The following MAF variants were observed in gnomAD, a reference collection of about 807,000 sequenced individuals.
MAF encodes MAF bZIP transcription factor, also known as transcription factor Maf.
MAF carries 10 observed loss-of-function variants against 22.0 expected under a neutral mutation model. The ratio of observed to expected loss-of-function variants is 0.45; its 90% CI spans 0.28 to 0.77. The LOEUF (loss-of-function observed/expected upper bound fraction) is 0.77. MAF is among the 30% of genes least tolerant of loss of function. The probability of loss-of-function intolerance (pLI) is 0.12; values close to 1 mark genes in which losing one functional copy is unlikely to be tolerated. For missense variants in MAF, 544 were observed against 548.4 expected, an observed-to-expected ratio of 0.99 and a Z score of 0.08; for synonymous variants, 337 against 255.8, an observed-to-expected ratio of 1.32 and a Z score of -3.03.
At chr16:79,203,049 C>T in the MAF span, 1 of 152,196 alleles carries the variant, frequency 6.6e-6, no homozygotes, top group African/African-American at 2.4e-5. Context: ...AACACCGAGG[C>T]AGAATTATTT....
At chr16:79,334,852 T>C in the MAF span, among the ~76,000 whole-genome samples, 1 of 99,186 alleles carries the variant, frequency 1.0e-5, no homozygotes, top group Non-Finnish European at 2.3e-5. Context: ...TGTGTGTGTG[T>C]GTGTGTGTGT....
At chr16:79,418,528 T>G in the MAF span, among the ~76,000 whole-genome samples, 1 of 151,958 alleles carries the variant, frequency 6.6e-6, no homozygotes, top group Non-Finnish European at 1.5e-5. Context: ...AGCCCCGTGG[T>G]GAGGGGGCAA....
chr16:79,343,269 C>G, the MAF span, among the ~76,000 whole-genome samples: 1 of 151,462 alleles, frequency 6.6e-6, no homozygotes. Flanking sequence ...TGTGTGTGCT[C>G]CAGTTCTTCT....
chr16:79,261,328 G>T, the MAF span, among the ~76,000 whole-genome samples: 69 of 141,768 alleles, frequency 4.9e-4, no homozygotes, highest in Non-Finnish European at 8.3e-4. Context: ...AATTTTTGTA[G>T]TTTTACTAGA....
chr16:79,465,992 C>A, the MAF span, among the ~76,000 whole-genome samples: 1 of 152,160 alleles, frequency 6.6e-6, no homozygotes, highest in Admixed American at 6.5e-5. Flanking sequence ...TCTGTAATTC[C>A]TTCATTGTTG....
chr16:79,252,365 TTC>T, the MAF span, among the ~76,000 whole-genome samples: 1 of 151,758 alleles, frequency 6.6e-6, no homozygotes, highest in East Asian at 1.9e-4. Context: ...TCACAAAATA[TTC>T]TCTTTCCCCT....
chr16:79,368,333 T>G, the MAF span, among the ~76,000 whole-genome samples: 1 of 152,224 alleles, frequency 6.6e-6, no homozygotes, highest in South Asian at 2.1e-4. Flanking sequence ...GGCAGGGCAT[T>G]AGCCACAGAG....
the MAF span, among the ~76,000 whole-genome samples, chr16:79,341,528 C>T: frequency 6.6e-6 from 1 of 152,190 alleles, no homozygotes; most frequent in Non-Finnish European, 1.5e-5. Flanking sequence ...ATTTACATTA[C>T]AGGAATTGGC....
chr16:79,593,112 G>C (rs918260049), downstream of MAF, among the ~76,000 whole-genome samples: 6 of 152,150 alleles, frequency 3.9e-5, no homozygotes, highest in South Asian at 2.1e-4. Flanking sequence ...AACAAAAAGA[G>C]AGAGAGAGAG....
chr16:79,243,397 C>T, the MAF span, among the ~76,000 whole-genome samples: 1 of 151,678 alleles, frequency 6.6e-6, no homozygotes, highest in Non-Finnish European at 1.5e-5. Flanking sequence ...GCCACTGATC[C>T]CACAGAAATA....
At chr16:79,423,142 T>C in the MAF span, among the ~76,000 whole-genome samples, 4 of 152,182 alleles carry the variant, frequency 2.6e-5, no homozygotes, top group Admixed American at 6.5e-5. Flanking sequence ...GTGAGCAACA[T>C]GTTTTAGAAT....
chr16:79,449,056 T>C, the MAF span, among the ~76,000 whole-genome samples: 1 of 152,082 alleles, frequency 6.6e-6, no homozygotes, highest in Non-Finnish European at 1.5e-5. Context: ...CTGGGGGTGA[T>C]GGGAGACAGT....
chr16:79,259,238 G>C, the MAF span, among the ~76,000 whole-genome samples: 4 of 152,088 alleles, frequency 2.6e-5, no homozygotes, highest in South Asian at 4.1e-4. Context: ...CCTTCTGTCT[G>C]CTCCTGGGAT....
At chr16:79,334,826 A>T in the MAF span, among the ~76,000 whole-genome samples, 68 of 149,554 alleles carry the variant, frequency 4.5e-4, no homozygotes, top group Middle Eastern at 3.4e-3. Context: ...TTTGGCAGTT[A>T]TACGTCAATA....
At chr16:79,223,982 AAGAAGG>A in the MAF span, among the ~76,000 whole-genome samples, 2 of 152,234 alleles carry the variant, frequency 1.3e-5, no homozygotes, top group Non-Finnish European at 2.9e-5. Context: ...ACAATAGGAA[AAGAAGG>A]AATCCTCCTT....
At chr16:79,414,283 A>G in the MAF span, among the ~76,000 whole-genome samples, 64 of 152,312 alleles carry the variant, frequency 4.2e-4, 1 homozygote, top group East Asian at 0.012. Context: ...GCTGTACAAG[A>G]AGCATGGTGC....
At chr16:79,378,569 C>T in the MAF span, among the ~76,000 whole-genome samples, 2 of 152,132 alleles carry the variant, frequency 1.3e-5, no homozygotes, top group Non-Finnish European at 1.5e-5. Flanking sequence ...AATAATCACA[C>T]ATTATTCAAA....
the MAF span, among the ~76,000 whole-genome samples, chr16:79,275,082 G>T: frequency 6.6e-6 from 1 of 152,222 alleles, no homozygotes; most frequent in Admixed American, 6.5e-5. Context: ...GAGGCCGGGT[G>T]TGGTGGCTCA....
the MAF span, among the ~76,000 whole-genome samples, chr16:79,556,552 A>T: frequency 6.6e-6 from 1 of 152,200 alleles, no homozygotes; most frequent in Non-Finnish European, 1.5e-5. Context: ...TGGACCCAAG[A>T]ATTTGTTGGT....
Sources: allele counts gnomAD v4.1 joint callset (sites outside exome capture counted in the v4.1 genomes callset), GRCh38; gene constraint gnomAD v4.1.1; transcripts MANE v1.5; gene names NCBI Gene and HGNC (gene_info 2026-07-23, HGNC 2026-07-21).